The following CEP128 variants were observed in gnomAD, a reference collection of about 807,000 sequenced individuals.
The protein encoded by CEP128 is centrosomal protein 128.
In CEP128, 132 loss-of-function variants were observed where a neutral mutation model predicts 156.7. The ratio of observed to expected loss-of-function variants is 0.84; its 90% CI spans 0.73 to 0.97. The LOEUF is 0.97. CEP128 is among the 50% of genes least tolerant of loss of function. CEP128 has a pLI of 0.00. For synonymous variants in CEP128, 469 were observed against 448.9 expected (o/e 1.04, Z -0.57); for missense variants, 1,252 against 1,281.9 (o/e 0.98, Z 0.36).
intron 23 of CEP128, among the ~76,000 whole-genome samples, chr14:80,521,613 A>G (rs1353726599): frequency 6.6e-6 from 1 of 152,238 alleles, no homozygotes; most frequent in African/African-American, 2.4e-5. Context: ...ACATATCTTC[A>G]TATTTCAGCA....
At chr14:80,635,077 C>T (rs1439987306) in intron 19 of CEP128, among the ~76,000 whole-genome samples, 1 of 152,162 alleles carries the variant, frequency 6.6e-6, no homozygotes, top group East Asian at 1.9e-4. Flanking sequence ...GAAGCCAGTT[C>T]TCTCTGATCA....
chr14:80,566,884 TG>T (rs1384051130), intron 20 of CEP128, among the ~76,000 whole-genome samples: 6 of 146,866 alleles, frequency 4.1e-5, no homozygotes, highest in African/African-American at 1.5e-4. Flanking sequence ...TTAAAGATTT[TG>T]TCTGAAAAGT....
intron 16 of CEP128, among the ~76,000 whole-genome samples, chr14:80,767,649 C>T (rs564272587): frequency 2.6e-4 from 40 of 152,176 alleles, no homozygotes; most frequent in African/African-American, 9.1e-4. Flanking sequence ...GTTGTTAGAA[C>T]AGTGAAAGAT....
intron 17 of CEP128, among the ~76,000 whole-genome samples, chr14:80,760,919 C>T (rs1338156030): frequency 6.6e-6 from 1 of 151,948 alleles, no homozygotes; most frequent in African/African-American, 2.4e-5. Flanking sequence ...GGTTTGAAGC[C>T]CTAGTTTAGC....
chr14:80,689,317 G>T (rs1896638682), intron 19 of CEP128, among the ~76,000 whole-genome samples: 1 of 124,082 alleles, frequency 8.1e-6, no homozygotes, highest in African/African-American at 2.9e-5. Context: ...AAAAAAAAGA[G>T]AAATGCATCT....
chr14:80,626,235 C>T (rs1231094874), intron 19 of CEP128, among the ~76,000 whole-genome samples: 2 of 151,430 alleles, frequency 1.3e-5, no homozygotes, highest in Non-Finnish European at 2.9e-5. Flanking sequence ...GAGGCCGAGG[C>T]GGGTGGATCA....
chr14:80,848,670 A>G (rs934051897), intron 9 of CEP128, among the ~76,000 whole-genome samples: 3 of 151,942 alleles, frequency 2.0e-5, no homozygotes, highest in African/African-American at 4.8e-5. Context: ...AAAACAAAAA[A>G]AAAAAGAAAA....
chr14:80,774,173 T>C (rs1900663106), intron 16 of CEP128, among the ~76,000 whole-genome samples: 1 of 152,228 alleles, frequency 6.6e-6, no homozygotes, highest in South Asian at 2.1e-4. Flanking sequence ...CTACCACTGA[T>C]GCTAATGGTT....
At chr14:80,633,828 A>G (rs1894067457) in intron 19 of CEP128, among the ~76,000 whole-genome samples, 1 of 152,180 alleles carries the variant, frequency 6.6e-6, no homozygotes, top group South Asian at 2.1e-4. Flanking sequence ...TGCCCATGGG[A>G]GGTGTCCCAT....
At chr14:80,920,491 A>C (rs953014422) in intron 2 of CEP128, among the ~76,000 whole-genome samples, 18 of 152,340 alleles carry the variant, frequency 1.2e-4, no homozygotes, top group Admixed American at 8.5e-4. Context: ...GTCATTAACA[A>C]TGTATTATTT....
chr14:80,916,936 G>A (rs1482237197), intron 2 of CEP128, among the ~76,000 whole-genome samples: 1 of 152,094 alleles, frequency 6.6e-6, no homozygotes, highest in Admixed American at 6.6e-5. Context: ...ATTCTCTAAA[G>A]TTAGGACCAG....
intron 19 of CEP128, among the ~76,000 whole-genome samples, chr14:80,606,467 G>A (rs1892781931): frequency 6.6e-6 from 1 of 152,036 alleles, no homozygotes; most frequent in African/African-American, 2.4e-5. Flanking sequence ...TCAATTTCAT[G>A]TTGCCACAAT....
chr14:80,694,321 C>G (rs887656532), intron 19 of CEP128, among the ~76,000 whole-genome samples: 1 of 152,114 alleles, frequency 6.6e-6, no homozygotes, highest in Non-Finnish European at 1.5e-5. Flanking sequence ...ATTAGTTCAA[C>G]CTTTGTGGAG....
intron 16 of CEP128, among the ~76,000 whole-genome samples, chr14:80,773,617 A>G (rs1900633313): frequency 6.6e-6 from 1 of 152,190 alleles, no homozygotes; most frequent in Admixed American, 6.5e-5. Flanking sequence ...GTGCAGATCC[A>G]TATAGATCAG....
chr14:80,948,447 G>A (rs1008273187), intron 2 of CEP128, among the ~76,000 whole-genome samples: 1 of 152,120 alleles, frequency 6.6e-6, no homozygotes, highest in Admixed American at 6.5e-5. Flanking sequence ...TTAGGTCAAA[G>A]TGAGCCACTA....
intron 19 of CEP128, among the ~76,000 whole-genome samples, chr14:80,740,637 G>C (rs1432382544): frequency 6.6e-6 from 1 of 152,126 alleles, no homozygotes; most frequent in Non-Finnish European, 1.5e-5. Flanking sequence ...CTGAGCATTT[G>C]TTCTCTGCTG....
At chr14:80,507,133 C>T (rs967646448) in intron 23 of CEP128, among the ~76,000 whole-genome samples, 5 of 151,672 alleles carry the variant, frequency 3.3e-5, no homozygotes, top group Non-Finnish European at 7.4e-5. Context: ...AAGCAGATGC[C>T]GGTATCATGC....
At chr14:80,597,671 C>T (rs1192365558) in intron 19 of CEP128, among the ~76,000 whole-genome samples, 1 of 151,294 alleles carries the variant, frequency 6.6e-6, no homozygotes. Flanking sequence ...CAGCTTTCTC[C>T]TGAGCATAGA....
intron 19 of CEP128, among the ~76,000 whole-genome samples, chr14:80,690,685 A>T (rs1896692470): frequency 1.3e-5 from 2 of 152,164 alleles, no homozygotes; most frequent in African/African-American, 2.4e-5. Flanking sequence ...CAATGAATCC[A>T]ACTAACTATT....
Sources: allele counts gnomAD v4.1 joint callset (sites outside exome capture counted in the v4.1 genomes callset), GRCh38; gene constraint gnomAD v4.1.1; transcripts MANE v1.5; gene names NCBI Gene and HGNC (gene_info 2026-07-23, HGNC 2026-07-21).